The following TMTC2 variants were observed in gnomAD, a reference collection of about 807,000 sequenced individuals.
TMTC2 encodes transmembrane O-mannosyltransferase targeting cadherins 2.
A neutral mutation model predicts 82.4 loss-of-function variants in TMTC2; 43 were observed. That is an observed-to-expected ratio of 0.52 (90% CI 0.41 to 0.67). The LOEUF is 0.67. Among genes scored for constraint, TMTC2 ranks in the 30% least tolerant of loss-of-function variants. The pLI, the probability that TMTC2 is intolerant of heterozygous loss-of-function variation, is 0.00. For synonymous variants in TMTC2, 408 were observed against 381.9 expected (o/e 1.07, Z -0.80); for missense variants, 919 against 1,012.4 (o/e 0.91, Z 1.25).
intron 1 of TMTC2, among the ~76,000 whole-genome samples, chr12:82,758,180 T>G (rs1028423776): frequency 6.6e-6 from 1 of 152,184 alleles, no homozygotes; most frequent in Non-Finnish European, 1.5e-5. Flanking sequence ...AATCTGGAAT[T>G]CTGTGTTTAT....
At chr12:83,129,852 A>G (rs1029632444) in intron 11 of TMTC2, among the ~76,000 whole-genome samples, 1 of 152,218 alleles carries the variant, frequency 6.6e-6, no homozygotes, top group African/African-American at 2.4e-5. Context: ...GCCCTCACCC[A>G]ACTTGTTCAA....
intron 9 of TMTC2, among the ~76,000 whole-genome samples, chr12:83,036,192 T>C (rs544765784): frequency 3.9e-5 from 6 of 152,206 alleles, no homozygotes; most frequent in Non-Finnish European, 8.8e-5. Flanking sequence ...AGCCTCCTGC[T>C]CAGTATTTAT....
intron 11 of TMTC2, among the ~76,000 whole-genome samples, chr12:83,118,745 A>G (rs1189974213): frequency 2.0e-5 from 3 of 151,766 alleles, no homozygotes; most frequent in Non-Finnish European, 2.9e-5. Context: ...TTGGTACCAA[A>G]CCTTTCAACG....
At chr12:83,102,339 A>G (rs1250403525) in intron 11 of TMTC2, among the ~76,000 whole-genome samples, 1 of 152,218 alleles carries the variant, frequency 6.6e-6, no homozygotes, top group Non-Finnish European at 1.5e-5. Context: ...ATAGAGCTGT[A>G]TAATTTGCTG....
At chr12:82,730,921 A>T (rs1874769202) in intron 1 of TMTC2, among the ~76,000 whole-genome samples, 1 of 152,252 alleles carries the variant, frequency 6.6e-6, no homozygotes, top group Non-Finnish European at 1.5e-5. Context: ...CGTTTTGATT[A>T]ATGTGTTTGC....
At chr12:83,043,358 A>G (rs1434123519) in intron 9 of TMTC2, among the ~76,000 whole-genome samples, 1 of 152,204 alleles carries the variant, frequency 6.6e-6, no homozygotes, top group African/African-American at 2.4e-5. Flanking sequence ...GAAACACCCC[A>G]TAAGTGACTT....
chr12:82,988,133 A>G (rs1195216917), intron 8 of TMTC2, among the ~76,000 whole-genome samples: 2 of 152,198 alleles, frequency 1.3e-5, no homozygotes, highest in African/African-American at 4.8e-5. Flanking sequence ...CTAAGCTTTT[A>G]ATGAATAAAA....
intron 1 of TMTC2, among the ~76,000 whole-genome samples, chr12:82,774,631 CA>C (rs1275166459): frequency 2.2e-5 from 3 of 136,752 alleles, no homozygotes; most frequent in African/African-American, 8.5e-5. Flanking sequence ...AAAAAAAGAA[CA>C]ATTTTTTTTT....
chr12:83,037,816 T>C (rs905770186), intron 9 of TMTC2, among the ~76,000 whole-genome samples: 3 of 151,932 alleles, frequency 2.0e-5, no homozygotes, highest in Non-Finnish European at 2.9e-5. Context: ...AAGGAAAAAT[T>C]AAAGCACTAA....
At chr12:82,709,677 AAAAAAACAAAAAAC>A (rs926307857) in intron 1 of TMTC2, among the ~76,000 whole-genome samples, 1 of 152,182 alleles carries the variant, frequency 6.6e-6, no homozygotes, top group Admixed American at 6.5e-5. Flanking sequence ...GAATTCAATG[AAAAAAACAAAAAAC>A]AAAAAACAAA....
intron 2 of TMTC2, among the ~76,000 whole-genome samples, chr12:82,869,513 A>G (rs1384096092): frequency 2.6e-5 from 4 of 152,168 alleles, no homozygotes; most frequent in Admixed American, 2.6e-4. Context: ...TATACTAGAA[A>G]CCATTTGTCC....
chr12:83,024,836 T>G (rs1374113404), intron 8 of TMTC2, among the ~76,000 whole-genome samples: 3 of 152,216 alleles, frequency 2.0e-5, no homozygotes, highest in Non-Finnish European at 4.4e-5. Flanking sequence ...TTCACCGCTC[T>G]GTAATTTACT....
At chr12:83,014,947 C>T (rs948539244) in intron 8 of TMTC2, among the ~76,000 whole-genome samples, 1 of 151,850 alleles carries the variant, frequency 6.6e-6, no homozygotes, top group Non-Finnish European at 1.5e-5. Context: ...TGATATTATC[C>T]CTGTAAAGAA....
chr12:83,031,911 G>A (rs1592705794), intron 9 of TMTC2, among the ~76,000 whole-genome samples: 1 of 152,168 alleles, frequency 6.6e-6, no homozygotes, highest in African/African-American at 2.4e-5. Context: ...ATTAATGCGG[G>A]ATGGTACAAC....
chr12:82,687,721 T>C, intron 1 of TMTC2, 52 bp downstream of exon 1: 1 of 1,539,764 alleles, frequency 6.5e-7, no homozygotes, highest in Non-Finnish European at 8.9e-7. Context: ...CACTCCGCAG[T>C]GGCTCTGAAG....
chr12:82,696,219 A>G (rs1484695339), intron 1 of TMTC2, among the ~76,000 whole-genome samples: 1 of 152,236 alleles, frequency 6.6e-6, no homozygotes, highest in Non-Finnish European at 1.5e-5. Context: ...ATTTGCAGAA[A>G]TAGGCCCTTT....
chr12:82,824,695 T>C (rs1300734154), intron 1 of TMTC2, among the ~76,000 whole-genome samples: 3 of 152,212 alleles, frequency 2.0e-5, no homozygotes, highest in African/African-American at 4.8e-5. Context: ...GATGTGATGA[T>C]TTGTAATTAT....
At chr12:82,996,845 G>A (rs1461192082) in intron 8 of TMTC2, among the ~76,000 whole-genome samples, 1 of 152,118 alleles carries the variant, frequency 6.6e-6, no homozygotes, top group East Asian at 1.9e-4. Flanking sequence ...AATAGCAATA[G>A]CTAAAAGAGA....
Position 82,845,392 on chromosome 12 carries a change from G to A in TMTC2, c.84-11618G>A, listed in dbSNP as rs1206315798. Among the ~76,000 whole-genome samples, 5 of 151,120 alleles carry A rather than the reference G, an allele frequency of 3.3e-5. 1 individual carries two copies. Among genetic ancestry groups the A allele is most frequent in the Admixed American group, 3.3e-4 (5 of 15,186 alleles). ...AAAATGAACTTTTTAATGTAGCTAT[G>A]AGTTGATGAAAACCTACAAAATCAA... is the stretch of plus-strand genomic sequence containing the variant. On this transcript the variant is annotated intron_variant, in intron 1 of 11. Transcript: ENST00000321196.
Sources: allele counts gnomAD v4.1 joint callset (sites outside exome capture counted in the v4.1 genomes callset), GRCh38; gene constraint gnomAD v4.1.1; transcripts MANE v1.5; gene names NCBI Gene and HGNC (gene_info 2026-07-23, HGNC 2026-07-21).